The following DGKZ variants were observed in gnomAD, a reference collection of about 807,000 sequenced individuals.
DGKZ encodes the protein DAG kinase zeta.
A neutral mutation model predicts 142.5 loss-of-function variants in DGKZ; 45 were observed. The ratio of observed to expected loss-of-function variants is 0.32; its 90% CI spans 0.25 to 0.40. The LOEUF (loss-of-function observed/expected upper bound fraction) is 0.40. Ranked by LOEUF, DGKZ falls within the 10% of genes least tolerant of loss-of-function variation. The pLI is 1.00. For missense variants in DGKZ, 755 were observed against 1,306.5 expected (o/e 0.58, Z 6.51); for synonymous variants, 442 against 527.0 (o/e 0.84, Z 2.21).
chr11:46,376,224 G>T (rs1350351974), intron 22 of DGKZ, 79 bp downstream of exon 22: 1 of 1,606,108 alleles, frequency 6.2e-7, no homozygotes, highest in Admixed American at 1.7e-5. Flanking sequence ...CCCGCAGCCA[G>T]CTCGCCCTGC....
At chr11:46,378,171 G>T in intron 25 of DGKZ, 27 bp from the exon 26 acceptor site, 2 of 1,606,074 alleles carry the variant, frequency 1.2e-6, no homozygotes, top group African/African-American at 1.3e-5. Flanking sequence ...GCCGTAGCCG[G>T]TCACAGCACA....
At chr11:46,345,651 A>G, upstream of DGKZ, 3 of 1,420,742 alleles carry the variant, frequency 2.1e-6, no homozygotes, top group Non-Finnish European at 2.8e-6. The surrounding 1 kb of genome is among the most constrained non-coding windows in gnomAD (Gnocchi z 4.1). Flanking sequence ...CTTTTATCTG[A>G]GATGGGGGTG....
chr11:46,366,984 C>A, intron 1 of DGKZ: 1 of 1,524,692 alleles, frequency 6.6e-7, no homozygotes. Context: ...GCCCTGCTCG[C>A]GTAGGTATAG....
At chr11:46,335,433 A>G (rs1055348167) in intron 1 of DGKZ, among the ~76,000 whole-genome samples, 4 of 151,888 alleles carry the variant, frequency 2.6e-5, no homozygotes, top group Admixed American at 6.6e-5. Context: ...GCACGCACAC[A>G]CACACACACA....
At chr11:46,356,105 G>C (rs1210099396) in intron 1 of DGKZ, among the ~76,000 whole-genome samples, 1 of 152,324 alleles carries the variant, frequency 6.6e-6, no homozygotes, top group Non-Finnish European at 1.5e-5. Context: ...ATGGGGAATG[G>C]GAGCCCTCTG....
At chr11:46,371,990 C>T (rs902168420) in intron 9 of DGKZ, 85 bp from the exon 10 acceptor site, 57 of 1,388,494 alleles carry the variant, frequency 4.1e-5, no homozygotes, top group Non-Finnish European at 5.5e-5. Context: ...AAAGAGGGAA[C>T]AAAGTCACCC....
At chr11:46,341,609 G>A (rs1940278177) in intron 1 of DGKZ, among the ~76,000 whole-genome samples, 1 of 152,158 alleles carries the variant, frequency 6.6e-6, no homozygotes, top group Admixed American at 6.5e-5. Flanking sequence ...GTAATGACTG[G>A]CCCACAGTCA....
chr11:46,369,354 G>C, intron 4 of DGKZ, 140 bp from the exon 5 acceptor site: 1 of 913,262 alleles, frequency 1.1e-6, no homozygotes, highest in Non-Finnish European at 1.8e-6. Flanking sequence ...GAGGTGTCTC[G>C]TGTTTCAAGG....
intron 1 of DGKZ, among the ~76,000 whole-genome samples, chr11:46,336,882 G>A (rs749486103): frequency 3.9e-5 from 6 of 152,108 alleles, no homozygotes; most frequent in East Asian, 3.9e-4. Flanking sequence ...TTAGCTGGGC[G>A]TGGTTGCATG....
chr11:46,374,886 C>T (rs763198029), intron 18 of DGKZ, 47 bp downstream of exon 18: 12 of 1,582,348 alleles, frequency 7.6e-6, no homozygotes. Flanking sequence ...CTGTCCTTGT[C>T]CTGCAGAGAC....
rs144888440 is a variant in DGKZ at position 46,351,314 on chromosome 11, C to T, written c.161+3494C>T. ...GCCTCAGAGCCCCTAGGAGCCTGAGCGTCTGTGCCGCCATCCCCTGCCCTT... is the reference window on the plus strand; with the variant it reads ...GCCTCAGAGCCCCTAGGAGCCTGAGTGTCTGTGCCGCCATCCCCTGCCCTT... On this transcript the variant is annotated intron_variant, in intron 1 of 30. Coordinates refer to ENST00000527911, the Ensembl canonical transcript of DGKZ. Among the ~76,000 whole-genome samples the T allele has an allele frequency of 1.1e-4, 16 of 152,312 alleles. No individual in the cohort carries two copies. In the East Asian group the frequency reaches 2.9e-3, roughly 28 times the overall value.
At position 46,372,804 on chromosome 11, in the gene DGKZ, C is replaced by A. The variant is rs753124416; in HGVS notation, c.1105C>A (p.Arg369Ser). The change falls in exon 13 of 31, where the codon CGC (arginine) becomes AGC (serine). Residue 369 changes from arginine (R) to serine (S), a missense_variant. Transcript: ENST00000527911. The surrounding 1 kb of genome is among the most constrained non-coding windows in gnomAD (Gnocchi z 5.9). ...GATCCTCTCCACCCTGGACCAGCTA[C>A]GCCTGAAGCCGCCACCCCCTGTTGC... 1 of 1,603,468 alleles carries A rather than the reference C, an allele frequency of 6.2e-7. No individual in the cohort carries two copies.
chr11:46,355,327 C>A (rs987306625), intron 1 of DGKZ, among the ~76,000 whole-genome samples: 13 of 152,130 alleles, frequency 8.5e-5, no homozygotes, highest in Non-Finnish European at 1.9e-4. Context: ...CCAGGATGGT[C>A]TCGATCTCCC....
At chr11:46,378,599 T>A (rs767619308) in intron 27 of DGKZ, 99 bp downstream of exon 27, 18 of 1,470,338 alleles carry the variant, frequency 1.2e-5, no homozygotes, top group Non-Finnish European at 1.7e-5. Context: ...GCTCAGGTGC[T>A]GTCATCTGTC....
intron 14 of DGKZ, among the ~76,000 whole-genome samples, chr11:46,373,651 C>T (rs1242987155): frequency 2.0e-5 from 3 of 152,096 alleles, no homozygotes; most frequent in Admixed American, 6.6e-5. Flanking sequence ...GCACCCGCCA[C>T]CACACCCGGC....
intron 1 of DGKZ, chr11:46,361,730 CCTT>C (rs1393588506): frequency 1.1e-6 from 1 of 940,672 alleles, no homozygotes; most frequent in East Asian, 1.2e-4. Flanking sequence ...CCCAGCCCCT[CCTT>C]GCTTTCTGCT....
At chr11:46,369,242 C>CA (rs1943676012) in intron 4 of DGKZ, 2 of 572,990 alleles carry the variant, frequency 3.5e-6, no homozygotes, top group Non-Finnish European at 6.3e-6. Context: ...GAGACGGACC[C>CA]AAAGCTCCCA....
intron 19 of DGKZ, 48 bp from the exon 20 acceptor site, chr11:46,375,384 C>T: frequency 6.6e-7 from 1 of 1,521,940 alleles, no homozygotes. Context: ...TGGGACCCCC[C>T]TGCCCCCAGC....
At position 46,372,883 on chromosome 11, in the gene DGKZ, G is replaced by A. The variant is rs746807027; in HGVS notation, c.1184G>A (p.Gly395Glu). 2 of 1,579,602 alleles carry A rather than the reference G, an allele frequency of 1.3e-6. No homozygotes were observed. The highest frequency in any genetic ancestry group is 1.7e-6 in the Non-Finnish European group (2 of 1,162,396). Residue 395 changes from glycine (G) to glutamate (E), a missense_variant and splice_region_variant, in exon 13 of 31, where the codon GGG (glycine) becomes GAG (glutamate). By Grantham distance (98) the Gly-to-Glu change is moderately conservative. Around this residue, in one of 8 missense-constraint regions of DGKZ, gnomAD observed 191 missense variants for 472.1 expected, o/e 0.40. Transcript: ENST00000527911. The surrounding 1 kb of genome is among the most constrained non-coding windows in gnomAD (Gnocchi z 5.9). ...TTGGCCCGAACCCTCAACTGGGGTG[G>A]GGTAAGCACCCATAGGAGGGGGGTG...
Sources: gnomAD v4.1 joint callset for allele counts (sites outside exome capture counted in the v4.1 genomes callset) on GRCh38, gnomAD v4.1.1 for gene constraint, gnomAD v4.1.1 regional missense constraint, Gnocchi (gnomAD v3.1) non-coding constraint, MANE v1.5 for transcripts, NCBI Gene and HGNC (gene_info 2026-07-23, HGNC 2026-07-21) for gene names.